Variants in ABI3BP observed in about 807,000 individuals in gnomAD.
ABI3BP encodes the protein ABI family member 3 binding protein.
Under a neutral mutation model 268.6 loss-of-function variants are expected in ABI3BP, and 216 were observed. The observed-to-expected ratio is 0.80, with a 90% CI of 0.72 to 0.90. The LOEUF (loss-of-function observed/expected upper bound fraction) is 0.90. ABI3BP is among the 40% of genes least tolerant of loss of function. The pLI is 0.00. For missense variants in ABI3BP, 2,090 were observed against 2,182.4 expected, an observed-to-expected ratio of 0.96 and a Z score of 0.84; for synonymous variants, 730 against 730.0, an observed-to-expected ratio of 1.00 and a Z score of 0.00.
chr3:100,941,438 A>C (rs1365955517), intron 1 of ABI3BP, among the ~76,000 whole-genome samples: 2 of 152,146 alleles, frequency 1.3e-5, no homozygotes, highest in African/African-American at 4.8e-5. Context: ...AATACCCAGA[A>C]GACGGTTACT....
intron 32 of ABI3BP, among the ~76,000 whole-genome samples, chr3:100,830,145 ATATATATAT>A (rs2098464990): frequency 1.5e-5 from 1 of 66,180 alleles, no homozygotes; most frequent in African/African-American, 4.3e-5. Flanking sequence ...ATATATATAT[ATATATATAT>A]ATATATATAT....
chr3:100,815,135 T>C (rs562165724), intron 44 of ABI3BP, among the ~76,000 whole-genome samples: 4 of 152,266 alleles, frequency 2.6e-5, no homozygotes, highest in South Asian at 2.1e-4. Context: ...CTTTATGTCT[T>C]TGAAACTAAA....
At chr3:100,815,022 T>C (rs2152537490) in intron 44 of ABI3BP, among the ~76,000 whole-genome samples, 1 of 152,260 alleles carries the variant, frequency 6.6e-6, no homozygotes, top group Admixed American at 6.5e-5. Context: ...GGGCTAAGAC[T>C]CCTTAAACCT....
In ABI3BP at chr3:100,918,322, G is replaced by C. The variant is rs563201032; in HGVS notation, c.259+7980C>G. ...CATCCACCCATCCACCCGTCCACCT[G>C]TCCACCCGTCCACCCATCCACCCGT... On this transcript the variant is annotated intron_variant, in intron 2 of 67. Transcript: ENST00000471714. 3.4e-5 allele frequency among the ~76,000 whole-genome samples: 5 copies of C among 148,118 alleles called. No individual in the cohort carries two copies. The South Asian group carries it at 1.1e-3, about 33-fold the overall frequency.
At chr3:100,808,752 C>T (rs1000348264) in intron 49 of ABI3BP, among the ~76,000 whole-genome samples, 3 of 151,974 alleles carry the variant, frequency 2.0e-5, no homozygotes, top group African/African-American at 7.2e-5. Flanking sequence ...AGAAATTGAA[C>T]ACCAAGGATA....
intron 1 of ABI3BP, among the ~76,000 whole-genome samples, chr3:100,956,209 A>T (rs1228786182): frequency 8.6e-6 from 1 of 116,284 alleles, no homozygotes; most frequent in African/African-American, 3.6e-5. Flanking sequence ...AAAAAAAAGA[A>T]AAACAACACA....
At position 100,752,828 on chromosome 3, in the gene ABI3BP, T is replaced by C. The variant is rs1467921298; in HGVS notation, c.5081A>G (p.Asn1694Ser). 3.1e-6 allele frequency: 5 copies of C among 1,613,342 alleles called. No homozygotes were observed. The highest frequency in any genetic ancestry group is 4.2e-6 in the Non-Finnish European group (5 of 1,179,656). ...YKKFVGVQLC[N>S]SLRYKIYLSD... ...CAAGTAAATCTTGTATCTGAGAGAG[T>C]TGCACAGCTGCACTCCTACAAATTT... The change falls in exon 66 of 68, where the codon AAC becomes AGC. Residue 1694 changes from asparagine to serine, a missense_variant. Physicochemically the swap from Asn to Ser is conservative, Grantham distance 46. Transcript: ENST00000471714.
chr3:100,751,655 A>C lies in ABI3BP; in HGVS notation c.5142T>G (p.Gly1714=). ...GATCTTCTCCATGGCCCCTCTGATC[A>C]CCTATGTTATAAAATTTTCCTGAAG... is the stretch of plus-strand genomic sequence containing the variant. ...DSLTGKFYNI[G]DQRGHGEDHC... The change falls in exon 67 of 68, where the codon GGT becomes GGG. Residue 1714 remains glycine, a synonymous_variant. Transcript: ENST00000471714. The C allele has an allele frequency of 1.2e-6, 2 of 1,600,304 alleles. No homozygotes were observed. The highest frequency in any genetic ancestry group is 1.7e-6 in the Non-Finnish European group (2 of 1,173,492).
At chr3:100,840,273 A>T (rs78799633) in intron 22 of ABI3BP, 109 bp from the exon 23 acceptor site, 1 of 830,492 alleles carries the variant, frequency 1.2e-6, no homozygotes, top group Non-Finnish European at 1.8e-6. Flanking sequence ...TTTACTGTGG[A>T]CATGTTTCCA....
At chr3:100,988,228 G>C (rs2092308206) in intron 1 of ABI3BP, among the ~76,000 whole-genome samples, 1 of 152,166 alleles carries the variant, frequency 6.6e-6, no homozygotes, top group Admixed American at 6.5e-5. Flanking sequence ...GTCAAAGTGA[G>C]GTTGGAAGGG....
chr3:100,844,274 AC>A, intron 20 of ABI3BP: 1 of 985,420 alleles, frequency 1.0e-6, no homozygotes, highest in Non-Finnish European at 1.2e-6. Context: ...AATTGGGGGC[AC>A]CCCCTTATTT....
At chr3:100,762,810 C>T (rs2096050098) in intron 63 of ABI3BP, among the ~76,000 whole-genome samples, 1 of 152,140 alleles carries the variant, frequency 6.6e-6, no homozygotes, top group African/African-American at 2.4e-5. Flanking sequence ...TAAAGTTTCA[C>T]ATACTGAGGA....
chr3:100,871,792 G>A (rs1367004178), intron 9 of ABI3BP, among the ~76,000 whole-genome samples: 1 of 152,120 alleles, frequency 6.6e-6, no homozygotes, highest in Admixed American at 6.6e-5. Context: ...AATACAGTGT[G>A]TAAGAAATTC....
chr3:100,831,388 T>C (rs2098490901), intron 31 of ABI3BP, among the ~76,000 whole-genome samples: 1 of 151,426 alleles, frequency 6.6e-6, no homozygotes, highest in Non-Finnish European at 1.5e-5. Flanking sequence ...CCACACATAT[T>C]AACAGCCAAA....
chr3:100,818,039 A>G (rs1045042366), intron 41 of ABI3BP, among the ~76,000 whole-genome samples: 14 of 152,252 alleles, frequency 9.2e-5, no homozygotes, highest in Admixed American at 3.3e-4. Context: ...CTATCCTATT[A>G]TGGAAGCCTC....
chr3:100,876,434 T>C, intron 7 of ABI3BP, 78 bp downstream of exon 7: 1 of 1,266,716 alleles, frequency 7.9e-7, no homozygotes. Flanking sequence ...ATCGAGAAAA[T>C]ATGTGCCGTG....
chr3:100,768,645 C>T (rs751594455), intron 62 of ABI3BP, among the ~76,000 whole-genome samples: 7 of 152,080 alleles, frequency 4.6e-5, no homozygotes, highest in Non-Finnish European at 7.3e-5. Flanking sequence ...CTAGTTTATG[C>T]GGCATATTCA....
intron 4 of ABI3BP, 131 bp downstream of exon 4, chr3:100,898,631 T>G (rs2048768278): frequency 9.5e-7 from 1 of 1,054,032 alleles, no homozygotes; most frequent in Non-Finnish European, 1.3e-6. Flanking sequence ...GCAGGGCCCC[T>G]GACTTTGTTC....
At chr3:100,958,325 A>T (rs554515124) in intron 1 of ABI3BP, among the ~76,000 whole-genome samples, 1 of 152,318 alleles carries the variant, frequency 6.6e-6, no homozygotes, top group South Asian at 2.1e-4. Context: ...GAGACAAAGC[A>T]ACAGTTTGAA....
Sources: allele counts gnomAD v4.1 joint callset (sites outside exome capture counted in the v4.1 genomes callset), GRCh38; gene constraint gnomAD v4.1.1; transcripts MANE v1.5; gene names NCBI Gene and HGNC (gene_info 2026-07-23, HGNC 2026-07-21).